PRELID2: variants seen among roughly 807,000 people sequenced by gnomAD.
The protein encoded by PRELID2 is PRELI domain-containing protein 2.
Under a neutral mutation model 28.4 loss-of-function variants are expected in PRELID2, and 25 were observed. That is an observed-to-expected ratio of 0.88 (90% confidence interval 0.64 to 1.23). The LOEUF (loss-of-function observed/expected upper bound fraction) is 1.23. Among genes scored for constraint, PRELID2 ranks in the 50% most tolerant of loss-of-function variants. The pLI, the probability that PRELID2 is intolerant of heterozygous loss-of-function variation, is 0.00. For missense variants in PRELID2, 201 were observed against 214.4 expected (o/e 0.94, Z 0.39); for synonymous variants, 76 against 71.6 (o/e 1.06, Z -0.31).
At chr5:145,531,300 A>C (rs947915620) in intron 1 of PRELID2, among the ~76,000 whole-genome samples, 1 of 152,168 alleles carries the variant, frequency 6.6e-6, no homozygotes, top group African/African-American at 2.4e-5. Flanking sequence ...ACACAGACTA[A>C]AAAATCTTGT....
At chr5:145,302,037 T>C in the PRELID2 span, among the ~76,000 whole-genome samples, 1 of 151,388 alleles carries the variant, frequency 6.6e-6, no homozygotes, top group Non-Finnish European at 1.5e-5. Context: ...AAGATGTTCA[T>C]TAGTATTACA....
chr5:145,819,468 T>C, intron 3 of PRELID2: 1 of 1,164,784 alleles, frequency 8.6e-7, no homozygotes, highest in Non-Finnish European at 1.3e-6. Flanking sequence ...TCAATGATAT[T>C]ACTTTAGAGA....
chr5:145,646,773 C>T (rs1754202815), intron 1 of PRELID2, among the ~76,000 whole-genome samples: 1 of 152,180 alleles, frequency 6.6e-6, no homozygotes, highest in Admixed American at 6.5e-5. Context: ...ACACTCAGGC[C>T]CCTCTGCCGC....
chr5:145,366,052 C>T, the PRELID2 span, among the ~76,000 whole-genome samples: 8 of 151,754 alleles, frequency 5.3e-5, no homozygotes, highest in South Asian at 2.1e-4. Flanking sequence ...AGTTCACCTC[C>T]CTACCTCAAT....
intron 1 of PRELID2, among the ~76,000 whole-genome samples, chr5:145,726,217 AAAGGAAGG>A (rs778448790): frequency 4.7e-5 from 6 of 128,208 alleles, no homozygotes; most frequent in African/African-American, 1.2e-4. Flanking sequence ...AAGAGAGAAG[AAAGGAAGG>A]AAGGAAGGAA....
intron 1 of PRELID2, among the ~76,000 whole-genome samples, chr5:145,528,065 C>G (rs996566611): frequency 2.0e-5 from 3 of 152,126 alleles, no homozygotes; most frequent in Non-Finnish European, 2.9e-5. Flanking sequence ...AACACGCTAA[C>G]CCTTCAGCTC....
At chr5:145,819,114 GC>G (rs1309791989) in intron 3 of PRELID2, among the ~76,000 whole-genome samples, 1 of 152,104 alleles carries the variant, frequency 6.6e-6, no homozygotes, top group Non-Finnish European at 1.5e-5. Context: ...TGATTATGAG[GC>G]CTCCCCAGCC....
At chr5:145,737,000 T>G (rs550607427) in intron 1 of PRELID2, among the ~76,000 whole-genome samples, 1 of 151,970 alleles carries the variant, frequency 6.6e-6, no homozygotes, top group Non-Finnish European at 1.5e-5. Flanking sequence ...GGGAATTATT[T>G]AGAGGGTGGT....
chr5:145,483,941 C>T (rs115215228), intron 1 of PRELID2, among the ~76,000 whole-genome samples: 1,914 of 152,264 alleles, frequency 0.013, 36 homozygotes, highest in African/African-American at 0.044. Context: ...CTGTACCTGA[C>T]ATATAATAAC....
chr5:145,415,760 T>C, the PRELID2 span, among the ~76,000 whole-genome samples: 1 of 152,118 alleles, frequency 6.6e-6, no homozygotes, highest in African/African-American at 2.4e-5. Flanking sequence ...TGTGTCTTTA[T>C]AGCAGCATGA....
chr5:145,414,256 A>T, the PRELID2 span, among the ~76,000 whole-genome samples: 1 of 152,176 alleles, frequency 6.6e-6, no homozygotes, highest in Non-Finnish European at 1.5e-5. Context: ...TGGCCACATG[A>T]AATTGAACTA....
the PRELID2 span, among the ~76,000 whole-genome samples, chr5:145,417,743 ATC>A: frequency 6.6e-6 from 1 of 152,324 alleles, no homozygotes; most frequent in Non-Finnish European, 1.5e-5. Flanking sequence ...GAAGGGACAT[ATC>A]TCAAAATAAT....
At chr5:145,346,265 G>C in the PRELID2 span, among the ~76,000 whole-genome samples, 1 of 152,170 alleles carries the variant, frequency 6.6e-6, no homozygotes, top group East Asian at 1.9e-4. Flanking sequence ...TTCCAAAAAA[G>C]ACTCAGAGGA....
chr5:145,741,342 AATTT>A (rs1561567587), intron 1 of PRELID2, among the ~76,000 whole-genome samples: 1 of 4,286 alleles, frequency 2.3e-4, no homozygotes, highest in Non-Finnish European at 9.0e-4. Context: ...ATATAAATAA[AATTT>A]ATTAATAAAT....
chr5:145,503,447 G>C (rs1752377237), intron 1 of PRELID2, among the ~76,000 whole-genome samples: 5 of 152,102 alleles, frequency 3.3e-5, no homozygotes, highest in Non-Finnish European at 5.9e-5. Flanking sequence ...TAAAACAATA[G>C]TCATGATAAT....
the PRELID2 span, among the ~76,000 whole-genome samples, chr5:145,342,259 A>C: frequency 6.6e-6 from 1 of 152,214 alleles, no homozygotes; most frequent in Non-Finnish European, 1.5e-5. Context: ...GGTTCAAAAG[A>C]GTCCCAAGCC....
At chr5:145,740,637 A>AAATATATATATATTATATATAT (rs1756657124) in intron 1 of PRELID2, among the ~76,000 whole-genome samples, 3 of 112,346 alleles carry the variant, frequency 2.7e-5, no homozygotes, top group African/African-American at 1.1e-4. Context: ...TTATATATAT[A>AAATATATATATATTATATATAT]AATATATATA....
At chr5:145,336,938 A>C in the PRELID2 span, among the ~76,000 whole-genome samples, 3 of 126,510 alleles carry the variant, frequency 2.4e-5, no homozygotes, top group Non-Finnish European at 3.2e-5. Flanking sequence ...CAGGAAGGGG[A>C]ACATCACACT....
At chr5:145,346,967 T>C in the PRELID2 span, among the ~76,000 whole-genome samples, 1 of 152,252 alleles carries the variant, frequency 6.6e-6, no homozygotes, top group East Asian at 1.9e-4. Flanking sequence ...ATATCCACAT[T>C]CTTTGAAGTG....
Sources: allele counts gnomAD v4.1 joint callset (sites outside exome capture counted in the v4.1 genomes callset), GRCh38; gene constraint gnomAD v4.1.1; transcripts MANE v1.5; gene names NCBI Gene and HGNC (gene_info 2026-07-23, HGNC 2026-07-21).